PCDHGB4: variants seen among roughly 807,000 people sequenced by gnomAD.
PCDHGB4 encodes protocadherin gamma-B4.
In PCDHGB4, 38 loss-of-function variants were observed where a neutral mutation model predicts 60.5. The ratio of observed to expected loss-of-function variants is 0.63; its 90% CI spans 0.48 to 0.82. The LOEUF (loss-of-function observed/expected upper bound fraction) is 0.82. Among genes scored for constraint, PCDHGB4 ranks in the 40% least tolerant of loss-of-function variants. The pLI, the probability that PCDHGB4 is intolerant of heterozygous loss-of-function variation, is 0.00. For missense variants in PCDHGB4, 1,109 were observed against 1,209.6 expected (o/e 0.92, Z 1.23); for synonymous variants, 456 against 509.7 (o/e 0.89, Z 1.42).
intron 1 of PCDHGB4, among the ~76,000 whole-genome samples, chr5:141,467,341 C>T (rs1169830103): frequency 6.6e-6 from 1 of 152,214 alleles, no homozygotes; most frequent in Non-Finnish European, 1.5e-5. Context: ...ACGTAAGCCA[C>T]TGCCCCCGGC....
chr5:141,465,968 A>G (rs2099113507), intron 1 of PCDHGB4, among the ~76,000 whole-genome samples: 3 of 151,940 alleles, frequency 2.0e-5, no homozygotes, highest in Admixed American at 6.6e-5. Flanking sequence ...TAAAAATACA[A>G]AAAATTAGCC....
At position 141,511,345 on chromosome 5, in the gene PCDHGB4, T is replaced by A; in HGVS notation, c.*172T>A. The A allele has an allele frequency of 7.8e-6, 11 of 1,410,508 alleles. No individual in the cohort carries two copies. The highest frequency in any genetic ancestry group is 1.0e-5 in the Non-Finnish European group (11 of 1,060,682). 87.4% of individuals were successfully genotyped at this position (1,410,508 alleles called of 1,614,324 possible). ...AAGTGCCCAGTCAGCACCTACCCCT[T>A]CCCCCCCAGGGGGTTGAATATGCAA... On this transcript the variant is annotated 3_prime_UTR_variant, in exon 4 of 4. Transcript: ENST00000519479.
chr5:141,418,773 A>G, intron 1 of PCDHGB4: 2 of 1,613,904 alleles, frequency 1.2e-6, no homozygotes, highest in Non-Finnish European at 1.7e-6. Flanking sequence ...CTAACTCAGC[A>G]GCCTTTGGAT....
intron 1 of PCDHGB4, among the ~76,000 whole-genome samples, chr5:141,434,129 G>T (rs1242855904): frequency 6.6e-6 from 1 of 152,092 alleles, no homozygotes; most frequent in East Asian, 1.9e-4. Flanking sequence ...CTCCCTTTAG[G>T]CTGATTTCTA....
At chr5:141,458,984 C>T (rs2098958355) in intron 1 of PCDHGB4, among the ~76,000 whole-genome samples, 1 of 152,204 alleles carries the variant, frequency 6.6e-6, no homozygotes, top group Non-Finnish European at 1.5e-5. Context: ...CCTCCTGCCT[C>T]ACCCTCCCAA....
At chr5:141,423,508 A>G (rs962526072) in intron 1 of PCDHGB4, 2 of 1,613,860 alleles carry the variant, frequency 1.2e-6, no homozygotes, top group African/African-American at 2.7e-5. Context: ...GGTCTCTCTC[A>G]TTGCGGACTC....
Position 141,476,208 on chromosome 5 carries a change from C to T in PCDHGB4, c.2398-18599C>T, listed in dbSNP as rs1266601125. The T allele has an allele frequency of 6.2e-7, 1 of 1,613,794 alleles. No homozygotes were observed. ...CTTGGTGCCTTGAACAAGGCTTCCA[C>T]GGTCATTCACTATGAGATCCCGGAG... On this transcript the variant is annotated intron_variant, in intron 1 of 3. Coordinates refer to ENST00000519479, the MANE Select transcript of PCDHGB4 (RefSeq NM_003736.4). The surrounding 1 kb of genome is among the most constrained non-coding windows in gnomAD (Gnocchi z 7.6).
intron 2 of PCDHGB4, among the ~76,000 whole-genome samples, chr5:141,496,097 A>C (rs1329818315): frequency 6.6e-6 from 1 of 151,148 alleles, no homozygotes; most frequent in Non-Finnish European, 1.5e-5. Context: ...CCACCCACCA[A>C]CACCCCGCTC....
chr5:141,432,133 C>T lies in PCDHGB4; in HGVS notation c.2397+41852C>T, dbSNP rs1468632362. The stretch of plus-strand genomic sequence containing the variant: ...CGGTCTTCCCTCAGGCCTCCTATTC[C>T]GCTTATATCCCAGAGAACAATCCCA... On this transcript the variant is annotated intron_variant, in intron 1 of 3. Transcript: ENST00000519479. This position sits in a 1 kb window ranked among gnomAD's most constrained non-coding sequence, Gnocchi z 6.0. 9 of 1,614,142 alleles carry T rather than the reference C, an allele frequency of 5.6e-6. No homozygotes were observed. The highest frequency in any genetic ancestry group is 1.6e-4 in the Middle Eastern group (1 of 6,062).
In PCDHGB4 at chr5:141,395,340, G is replaced by C. The variant is rs529007241; in HGVS notation, c.2397+5059G>C. 3 of 1,419,480 alleles carry C rather than the reference G, an allele frequency of 2.1e-6. No individual in the cohort carries two copies. In the African/African-American group the frequency reaches 4.3e-5, roughly 20 times the overall value. The allele number at this position is 1,419,480 out of a possible 1,614,324, so 87.9% of individuals were successfully genotyped here. On this transcript the variant is annotated intron_variant, in intron 1 of 3. Transcript: ENST00000519479. ...GAAGATAGTTGAAAATAATTTTTAA[G>C]GTGTATCACAGAGTTTTGGGTTTAT...
intron 1 of PCDHGB4, chr5:141,421,895 GA>G: frequency 6.2e-7 from 1 of 1,613,730 alleles, no homozygotes; most frequent in African/African-American, 1.3e-5. Flanking sequence ...GATCCCATCC[GA>G]AAGGGCGCAG....
chr5:141,446,482 C>A (rs961785845), intron 1 of PCDHGB4, among the ~76,000 whole-genome samples: 2 of 146,988 alleles, frequency 1.4e-5, no homozygotes, highest in Non-Finnish European at 3.0e-5. Flanking sequence ...GGTCATCATT[C>A]TTTTTTTTTT....
intron 1 of PCDHGB4, among the ~76,000 whole-genome samples, chr5:141,454,918 C>T (rs1474616925): frequency 6.7e-6 from 1 of 149,344 alleles, no homozygotes; most frequent in Non-Finnish European, 1.5e-5. Context: ...CGCCATTCTC[C>T]TGCCTCAGCC....
At chr5:141,417,972 C>T (rs2154547391) in intron 1 of PCDHGB4, 2 of 1,613,830 alleles carry the variant, frequency 1.2e-6, no homozygotes, top group Admixed American at 1.7e-5. Flanking sequence ...TACTCGATTC[C>T]GGAGGAGCTG....
At chr5:141,425,717 C>G (rs1207360676) in intron 1 of PCDHGB4, among the ~76,000 whole-genome samples, 1 of 152,188 alleles carries the variant, frequency 6.6e-6, no homozygotes, top group African/African-American at 2.4e-5. Context: ...TTTTCCCATA[C>G]CACTTGATGG....
At chr5:141,400,904 T>C (rs958521699) in intron 1 of PCDHGB4, among the ~76,000 whole-genome samples, 14 of 152,250 alleles carry the variant, frequency 9.2e-5, no homozygotes, top group African/African-American at 3.4e-4. Context: ...TAATTCATCT[T>C]TTAAAGCAAA....
chr5:141,402,842 A>G, intron 1 of PCDHGB4: 1 of 1,396,816 alleles, frequency 7.2e-7, no homozygotes, highest in Non-Finnish European at 9.4e-7. Flanking sequence ...AGCAAAACTC[A>G]GCCTCTTTCT....
At position 141,478,736 on chromosome 5, in the gene PCDHGB4, T is replaced by G; in HGVS notation, c.2398-16071T>G. On this transcript the variant is annotated intron_variant, in intron 1 of 3. Coordinates refer to ENST00000519479, the MANE Select transcript of PCDHGB4 (RefSeq NM_003736.4). Reference sequence around the variant, plus strand: ...TGGTGGCCTGCCAGAGTGTGGTTTGTGGTCCCATTTCAGGGGGAAGATACT... The same window carrying G: ...TGGTGGCCTGCCAGAGTGTGGTTTGGGGTCCCATTTCAGGGGGAAGATACT... 5 of 1,534,796 alleles carry G rather than the reference T, an allele frequency of 3.3e-6. No homozygotes were observed. In the South Asian group the frequency reaches 6.2e-5, roughly 19 times the overall value.
intron 1 of PCDHGB4, chr5:141,394,283 T>A: frequency 6.2e-7 from 1 of 1,613,956 alleles, no homozygotes; most frequent in Non-Finnish European, 8.5e-7. Flanking sequence ...TCACTTACTC[T>A]GTGACCGAGG....
Sources: gnomAD v4.1 joint callset for allele counts (sites outside exome capture counted in the v4.1 genomes callset) on GRCh38, gnomAD v4.1.1 for gene constraint, Gnocchi (gnomAD v3.1) non-coding constraint, MANE v1.5 for transcripts, NCBI Gene and HGNC (gene_info 2026-07-23, HGNC 2026-07-21) for gene names.